Variants in CNTNAP5 observed in about 807,000 individuals in gnomAD.
CNTNAP5 encodes the protein contactin-associated protein-like 5.
In CNTNAP5, 72 loss-of-function variants were observed where a neutral mutation model predicts 150.2. The observed-to-expected ratio is 0.48, with a 90% CI of 0.40 to 0.58. The LOEUF (loss-of-function observed/expected upper bound fraction) is 0.58, where lower values mean the gene tolerates loss of function less well. CNTNAP5 is among the 20% of genes least tolerant of loss of function. The probability of loss-of-function intolerance (pLI) is 0.00; values close to 1 mark genes in which losing one functional copy is unlikely to be tolerated. For missense variants in CNTNAP5, 1,636 were observed against 1,626.2 expected, an observed-to-expected ratio of 1.01 and a Z score of -0.10; for synonymous variants, 672 against 619.8, an observed-to-expected ratio of 1.08 and a Z score of -1.25.
intron 1 of CNTNAP5, among the ~76,000 whole-genome samples, chr2:124,161,907 G>C (rs574719343): frequency 1.3e-5 from 2 of 152,218 alleles, no homozygotes; most frequent in African/African-American, 4.8e-5. Context: ...TATTTTATAG[G>C]TTCAATGATA....
At chr2:124,892,065 G>A (rs1678206244) in intron 21 of CNTNAP5, among the ~76,000 whole-genome samples, 1 of 152,070 alleles carries the variant, frequency 6.6e-6, no homozygotes, top group Non-Finnish European at 1.5e-5. Flanking sequence ...AAAGAATTCT[G>A]GGCCTCTGAT....
intron 1 of CNTNAP5, among the ~76,000 whole-genome samples, chr2:124,159,522 G>T (rs538980947): frequency 6.6e-6 from 1 of 152,310 alleles, no homozygotes; most frequent in South Asian, 2.1e-4. Flanking sequence ...TCAGTGAAAA[G>T]ATCAATTTGA....
intron 17 of CNTNAP5, among the ~76,000 whole-genome samples, chr2:124,786,386 AGAAAGAAAGAAAGAAGGAAGGAAGGAAG>A (rs1681579742): frequency 9.3e-5 from 8 of 85,778 alleles, no homozygotes; most frequent in Admixed American, 6.7e-4. Context: ...AAAGAAAGAA[AGAAAGAAAGAAAGAAGGAAGGAAGGAAG>A]GAAGGAAGGA....
chr2:124,285,515 T>A (rs999417767), intron 3 of CNTNAP5, among the ~76,000 whole-genome samples: 6 of 152,090 alleles, frequency 3.9e-5, no homozygotes, highest in African/African-American at 1.4e-4. Flanking sequence ...AAACCCTGGA[T>A]GTGGCCTGGT....
intron 13 of CNTNAP5, among the ~76,000 whole-genome samples, chr2:124,660,258 G>T (rs902615272): frequency 1.3e-5 from 2 of 152,148 alleles, no homozygotes; most frequent in Admixed American, 6.5e-5. Flanking sequence ...ACAGAGAGAG[G>T]CTAGGTAGGC....
intron 3 of CNTNAP5, among the ~76,000 whole-genome samples, chr2:124,407,101 G>A (rs112889034): frequency 1.3e-5 from 2 of 152,114 alleles, no homozygotes; most frequent in East Asian, 1.9e-4. Flanking sequence ...TGATGGACAC[G>A]CATTGTTTCT....
chr2:124,743,025 C>T (rs1386842295), intron 13 of CNTNAP5, among the ~76,000 whole-genome samples: 3 of 152,098 alleles, frequency 2.0e-5, no homozygotes, highest in African/African-American at 4.8e-5. Context: ...ACCTCTACCG[C>T]GGAGAGATAT....
At chr2:124,197,353 T>G (rs1443167165) in intron 1 of CNTNAP5, among the ~76,000 whole-genome samples, 1 of 152,228 alleles carries the variant, frequency 6.6e-6, no homozygotes, top group Non-Finnish European at 1.5e-5. Flanking sequence ...TTCATATAAA[T>G]AAATTGAGTT....
chr2:124,650,881 G>A (rs1678306785), intron 13 of CNTNAP5, among the ~76,000 whole-genome samples: 1 of 152,060 alleles, frequency 6.6e-6, no homozygotes, highest in South Asian at 2.1e-4. Flanking sequence ...ACGTAATGCT[G>A]CAGAACAGTT....
At chr2:124,494,187 C>T (rs577732156) in intron 7 of CNTNAP5, among the ~76,000 whole-genome samples, 1 of 151,886 alleles carries the variant, frequency 6.6e-6, no homozygotes, top group African/African-American at 2.4e-5. Flanking sequence ...AAGGTGGAGA[C>T]ACTGGGATGT....
chr2:124,571,366 C>T (rs1042370316), intron 11 of CNTNAP5, among the ~76,000 whole-genome samples: 1 of 151,696 alleles, frequency 6.6e-6, no homozygotes, highest in African/African-American at 2.4e-5. Flanking sequence ...TTAAGAGACT[C>T]AAGAAGAGAT....
chr2:124,228,818 C>T (rs538795621), intron 2 of CNTNAP5, among the ~76,000 whole-genome samples: 42 of 152,272 alleles, frequency 2.8e-4, no homozygotes, highest in Admixed American at 2.6e-3. Context: ...TGGTATCCCA[C>T]TGGGTATCCC....
intron 1 of CNTNAP5, among the ~76,000 whole-genome samples, chr2:124,120,482 T>C (rs528340823): frequency 1.4e-3 from 220 of 152,250 alleles, no homozygotes; most frequent in African/African-American, 5.1e-3. Flanking sequence ...AGAACATGAA[T>C]AGGCTCAGAG....
At chr2:124,513,261 C>T (rs1694634671) in intron 8 of CNTNAP5, among the ~76,000 whole-genome samples, 1 of 152,178 alleles carries the variant, frequency 6.6e-6, no homozygotes, top group Non-Finnish European at 1.5e-5. Flanking sequence ...TTTCTCTGTG[C>T]ATGTCTGTGT....
chr2:124,526,160 GT>G (rs1481704993), intron 9 of CNTNAP5, among the ~76,000 whole-genome samples: 5 of 152,168 alleles, frequency 3.3e-5, no homozygotes, highest in Non-Finnish European at 7.4e-5. Flanking sequence ...TTGAAGAAGC[GT>G]TCTTAGAGGC....
intron 8 of CNTNAP5, among the ~76,000 whole-genome samples, chr2:124,519,506 A>C (rs939342038): frequency 1.3e-5 from 2 of 152,214 alleles, no homozygotes; most frequent in African/African-American, 4.8e-5. Flanking sequence ...AAAGGAGCTC[A>C]GCTCCAGTAC....
intron 1 of CNTNAP5, among the ~76,000 whole-genome samples, chr2:124,205,858 A>G (rs1685850731): frequency 6.6e-6 from 1 of 152,108 alleles, no homozygotes; most frequent in African/African-American, 2.4e-5. Context: ...GTAGATCCTG[A>G]AGATGTAGTC....
chr2:124,637,789 G>A lies in CNTNAP5; in HGVS notation c.1877-9969G>A, dbSNP rs561208758. 7.9e-5 allele frequency among the ~76,000 whole-genome samples: 12 copies of A among 151,986 alleles called. No individual in the cohort carries two copies. The South Asian group carries it at 1.5e-3, about 18-fold the overall frequency. Reference sequence around the variant, plus strand: ...CCCTGACTCCATCTCCCCTTGTGTCGTTATGGACTCTAATTCATGGTCCCT... The same window carrying A: ...CCCTGACTCCATCTCCCCTTGTGTCATTATGGACTCTAATTCATGGTCCCT... On this transcript the variant is annotated intron_variant, in intron 12 of 23. Transcript: ENST00000682447.
At position 124,025,762 on chromosome 2, in the gene CNTNAP5, T is replaced by C. The variant is rs746983081; in HGVS notation, c.82+30T>C. 5 of 1,548,916 alleles carry C rather than the reference T, an allele frequency of 3.2e-6. No homozygotes were observed. The African/African-American group carries it at 6.8e-5, about 21-fold the overall frequency. The stretch of plus-strand genomic sequence containing the variant: ...GTACGAGGAGCTGGGGGCGGGAAGG[T>C]GAGGTGGAAAACGATCGCATTCAGA... On this transcript the variant is annotated intron_variant, in intron 1 of 23. Transcript: ENST00000682447.
Sources: gnomAD v4.1 joint callset for allele counts (sites outside exome capture counted in the v4.1 genomes callset) on GRCh38, gnomAD v4.1.1 for gene constraint, MANE v1.5 for transcripts, NCBI Gene and HGNC (gene_info 2026-07-23, HGNC 2026-07-21) for gene names.